The following UST variants were observed in gnomAD, a reference collection of about 807,000 sequenced individuals.
The protein encoded by UST is chondroitin sulfate 2-O-sulfotransferase.
A neutral mutation model predicts 45.6 loss-of-function variants in UST; 21 were observed. The observed-to-expected ratio is 0.46, with a 90% confidence interval of 0.33 to 0.66. UST has a LOEUF of 0.66. Among genes scored for constraint, UST ranks in the 30% least tolerant of loss-of-function variants. UST has a pLI of 0.02. For missense variants in UST, 463 were observed against 512.4 expected (o/e 0.90, Z 0.93); for synonymous variants, 215 against 200.6 (o/e 1.07, Z -0.61).
rs535272793 is a variant in UST, at chr6:148,899,745, G to A, written c.291+12716G>A. Among the ~76,000 whole-genome samples the A allele has an allele frequency of 4.6e-5, 7 of 152,348 alleles. No individual in the cohort carries two copies. The South Asian group carries it at 8.3e-4, about 18-fold the overall frequency. On this transcript the variant is annotated intron_variant, in intron 2 of 7. Transcript: ENST00000367463. ...AGTGGTCCCCGATGGCGCCCTGCAC[G>A]TCACTTTCTGCTCTTTTATCTGGTT...
At chr6:148,879,952 CTTTTTTTT>C (rs766758383) in intron 1 of UST, among the ~76,000 whole-genome samples, 8 of 119,856 alleles carry the variant, frequency 6.7e-5, no homozygotes, top group Admixed American at 6.5e-4. Flanking sequence ...TTTTTTTTTT[CTTTTTTTT>C]TTTTTTTGAC....
chr6:148,771,685 T>A (rs1776429535), intron 1 of UST, among the ~76,000 whole-genome samples: 1 of 152,206 alleles, frequency 6.6e-6, no homozygotes, highest in East Asian at 1.9e-4. Context: ...CTCTAACAGG[T>A]GCTCCATGCC....
chr6:148,824,629 A>G (rs979694663), intron 1 of UST, among the ~76,000 whole-genome samples: 8 of 149,008 alleles, frequency 5.4e-5, no homozygotes, highest in Middle Eastern at 3.5e-3. Flanking sequence ...ATTTATTTTC[A>G]CTACCGCTGA....
chr6:148,794,726 C>T (rs1776915609), intron 1 of UST, among the ~76,000 whole-genome samples: 1 of 152,170 alleles, frequency 6.6e-6, no homozygotes, highest in South Asian at 2.1e-4. Context: ...GGTGGAATAA[C>T]AAACTCAGAA....
intron 1 of UST, among the ~76,000 whole-genome samples, chr6:148,788,688 A>G (rs1192593891): frequency 6.6e-6 from 1 of 152,236 alleles, no homozygotes; most frequent in Non-Finnish European, 1.5e-5. Context: ...AAAATCCTTG[A>G]ATGATGCCAG....
rs748809681 is a variant in UST, at chr6:149,074,062, C to T, written c.1167C>T (p.Ile389=). 5 of 1,614,156 alleles carry T rather than the reference C, an allele frequency of 3.1e-6. No homozygotes were observed. Among genetic ancestry groups the T allele is most frequent in the Admixed American group, 3.3e-5 (2 of 60,020 alleles). The change falls in exon 8 of 8, where the codon ATC becomes ATT. Residue 389 remains isoleucine, a synonymous_variant. Transcript: ENST00000367463. ...IPTPLETEEP[I]DDEEQDDEKW... is the part of the protein sequence containing the mutation. Reference sequence around the variant, plus strand: ...CTCCACTGGAAACCGAGGAGCCAATCGACGATGAAGAACAGGATGATGAAA... The same window carrying T: ...CTCCACTGGAAACCGAGGAGCCAATTGACGATGAAGAACAGGATGATGAAA...
intron 2 of UST, among the ~76,000 whole-genome samples, chr6:148,896,630 C>T (rs1179461166): frequency 6.6e-6 from 1 of 152,084 alleles, no homozygotes; most frequent in Non-Finnish European, 1.5e-5. Context: ...TTCAACTTTT[C>T]AATTATTTTT....
intron 7 of UST, among the ~76,000 whole-genome samples, chr6:149,062,198 A>G (rs1035002308): frequency 6.6e-6 from 1 of 152,240 alleles, no homozygotes; most frequent in Non-Finnish European, 1.5e-5. Flanking sequence ...AGTGGCTAAG[A>G]AAAGCAAATA....
At chr6:148,927,407 G>C (rs1363953278) in intron 2 of UST, among the ~76,000 whole-genome samples, 1 of 151,994 alleles carries the variant, frequency 6.6e-6, no homozygotes, top group African/African-American at 2.4e-5. Context: ...AGAAAAAATG[G>C]GGCCATAAAT....
chr6:148,799,491 A>G (rs1232307172), intron 1 of UST, among the ~76,000 whole-genome samples: 1 of 152,148 alleles, frequency 6.6e-6, no homozygotes, highest in Non-Finnish European at 1.5e-5. Context: ...GGTTCCCGGC[A>G]ACTGAGTGGT....
chr6:149,050,766 A>G (rs774279119), intron 7 of UST, among the ~76,000 whole-genome samples: 1 of 152,256 alleles, frequency 6.6e-6, no homozygotes, highest in African/African-American at 2.4e-5. Flanking sequence ...TTTTTAGAAA[A>G]TAAATCACGA....
At chr6:148,956,794 G>A (rs983854250) in intron 4 of UST, among the ~76,000 whole-genome samples, 4 of 152,144 alleles carry the variant, frequency 2.6e-5, no homozygotes, top group South Asian at 2.1e-4. Flanking sequence ...TGAGAACTGG[G>A]ACTTCTGCAG....
intron 7 of UST, among the ~76,000 whole-genome samples, chr6:149,054,926 A>G (rs934840619): frequency 1.3e-5 from 2 of 152,184 alleles, no homozygotes; most frequent in Admixed American, 6.5e-5. Flanking sequence ...GGCTCAAGCA[A>G]TCTGAAAGAG....
chr6:148,896,275 C>A (rs925091322), intron 2 of UST, among the ~76,000 whole-genome samples: 5 of 152,208 alleles, frequency 3.3e-5, no homozygotes, highest in African/African-American at 1.2e-4. Flanking sequence ...TCTCCCAAAA[C>A]CTCAAAGCCT....
At chr6:148,919,878 C>G (rs1779668011) in intron 2 of UST, among the ~76,000 whole-genome samples, 1 of 152,150 alleles carries the variant, frequency 6.6e-6, no homozygotes. Flanking sequence ...GAGGACTAGA[C>G]AGGAAGACAC....
intron 1 of UST, among the ~76,000 whole-genome samples, chr6:148,877,846 G>T (rs566372237): frequency 7.3e-6 from 1 of 136,452 alleles, no homozygotes; most frequent in East Asian, 2.4e-4. Flanking sequence ...GAGGGGTCGT[G>T]TACGAGTGCG....
At chr6:149,042,524 G>A (rs1440852175) in intron 7 of UST, among the ~76,000 whole-genome samples, 4 of 152,156 alleles carry the variant, frequency 2.6e-5, no homozygotes, top group African/African-American at 4.8e-5. Context: ...ATAGCACTGC[G>A]CCACCCTGCC....
At chr6:148,944,479 C>G (rs1318885689) in intron 3 of UST, among the ~76,000 whole-genome samples, 1 of 149,954 alleles carries the variant, frequency 6.7e-6, no homozygotes. Flanking sequence ...TTCACACATG[C>G]ATTGCTCTCT....
intron 3 of UST, among the ~76,000 whole-genome samples, chr6:148,949,884 T>C (rs1780330557): frequency 6.6e-6 from 1 of 152,206 alleles, no homozygotes; most frequent in South Asian, 2.1e-4. Flanking sequence ...TGCACTGCTA[T>C]GGAAGGTCAT....
Sources: allele counts gnomAD v4.1 joint callset (sites outside exome capture counted in the v4.1 genomes callset), GRCh38; gene constraint gnomAD v4.1.1; transcripts MANE v1.5; gene names NCBI Gene and HGNC (gene_info 2026-07-23, HGNC 2026-07-21).